FTCDNL1: variants seen among roughly 807,000 people sequenced by gnomAD.
FTCDNL1 encodes the protein formiminotransferase cyclodeaminase N-terminal like, also known as formiminotransferase N-terminal subdomain-containing protein.
A neutral mutation model predicts 5.9 loss-of-function variants in FTCDNL1; 11 were observed. That is an observed-to-expected ratio of 1.87 (90% CI 1.18 to 3.10). FTCDNL1 has a LOEUF of 3.10. FTCDNL1 is among the 30% of genes most tolerant of loss of function. The pLI is 0.00. For synonymous variants in FTCDNL1, 58 were observed against 24.8 expected, an observed-to-expected ratio of 2.34 and a Z score of -3.99; for missense variants, 115 against 65.5, an observed-to-expected ratio of 1.76 and a Z score of -2.61.
chr2:199,754,917 G>A, the FTCDNL1 span, among the ~76,000 whole-genome samples: 2 of 152,116 alleles, frequency 1.3e-5, no homozygotes, highest in South Asian at 4.1e-4. Context: ...CACTTTTAGC[G>A]GTAGAAAATT....
At chr2:199,828,296 C>T (rs1044516849) in intron 3 of FTCDNL1, among the ~76,000 whole-genome samples, 3 of 151,986 alleles carry the variant, frequency 2.0e-5, no homozygotes, top group African/African-American at 7.2e-5. Context: ...AAAAATCATC[C>T]CCTGTAACTT....
chr2:199,684,145 T>G, the FTCDNL1 span, among the ~76,000 whole-genome samples: 19 of 152,384 alleles, frequency 1.2e-4, no homozygotes, highest in South Asian at 3.9e-3. Flanking sequence ...TGCCAAATTG[T>G]TCCCATGTGA....
chr2:199,739,967 G>A, the FTCDNL1 span, among the ~76,000 whole-genome samples: 8 of 152,148 alleles, frequency 5.3e-5, no homozygotes, highest in Non-Finnish European at 1.0e-4. Context: ...AGCCGGGCCT[G>A]CCAGGCTCAC....
At chr2:199,833,522 T>C (rs939585544) in intron 3 of FTCDNL1, among the ~76,000 whole-genome samples, 3 of 152,222 alleles carry the variant, frequency 2.0e-5, no homozygotes, top group African/African-American at 7.2e-5. Flanking sequence ...AGATGGGTCA[T>C]GGCAAAGCCT....
At chr2:199,827,659 C>T (rs764732580) in intron 3 of FTCDNL1, among the ~76,000 whole-genome samples, 16 of 150,898 alleles carry the variant, frequency 1.1e-4, no homozygotes, top group Non-Finnish European at 1.9e-4. Context: ...AGAAAAATAA[C>T]AGAAAGAAAA....
At position 199,809,801 on chromosome 2, in the gene FTCDNL1, A is replaced by G. The variant is rs1037422076; in HGVS notation, c.*2904T>C. Among the ~76,000 whole-genome samples the G allele has an allele frequency of 6.6e-6, 1 of 152,172 alleles. No individual in the cohort carries two copies. Among genetic ancestry groups the G allele is most frequent in the African/African-American group, 2.4e-5 (1 of 41,436 alleles). On this transcript the variant is annotated 3_prime_UTR_variant, in exon 5 of 5. Coordinates refer to ENST00000420128, the MANE Select transcript of FTCDNL1 (RefSeq NM_001363886.2). ...ATTCTATATCTGGTTTATGAGCAGCAGATCATCTTAAAAGTAGTAAGGCAA... is the reference window on the plus strand; with the variant it reads ...ATTCTATATCTGGTTTATGAGCAGCGGATCATCTTAAAAGTAGTAAGGCAA...
At chr2:199,831,755 T>C (rs1158660016) in intron 3 of FTCDNL1, among the ~76,000 whole-genome samples, 1 of 152,194 alleles carries the variant, frequency 6.6e-6, no homozygotes, top group Non-Finnish European at 1.5e-5. Flanking sequence ...ACCTTAACTG[T>C]AGTACTCGAA....
chr2:199,823,424 G>A (rs867860179), intron 3 of FTCDNL1, among the ~76,000 whole-genome samples: 1 of 152,138 alleles, frequency 6.6e-6, no homozygotes. Context: ...ATCCATCAGA[G>A]GAATCACTAT....
At chr2:199,813,912 CAAAAAAAAAAAAAA>C (rs397987315) in intron 4 of FTCDNL1, among the ~76,000 whole-genome samples, 74,206 of 106,858 alleles carry the variant, frequency 0.69, 22,769 homozygotes, top group South Asian at 0.78. Flanking sequence ...GACTCTGTCT[CAAAAAAAAAAAAAA>C]AAAAAAAAAA....
At chr2:199,796,127 C>A (rs541308358) in intron 3 of FTCDNL1, among the ~76,000 whole-genome samples, 2 of 152,138 alleles carry the variant, frequency 1.3e-5, no homozygotes, top group African/African-American at 4.8e-5. Flanking sequence ...TACAATAGAA[C>A]ATGCAGAAGT....
At chr2:199,680,111 C>T in the FTCDNL1 span, among the ~76,000 whole-genome samples, 660 of 152,152 alleles carry the variant, frequency 4.3e-3, 7 homozygotes, top group African/African-American at 0.015. Flanking sequence ...GACCAGATGA[C>T]ATTTAACAAT....
chr2:199,700,242 G>A, the FTCDNL1 span, among the ~76,000 whole-genome samples: 5 of 151,854 alleles, frequency 3.3e-5, no homozygotes, highest in African/African-American at 9.7e-5. Flanking sequence ...CAGTAGCATC[G>A]CTATATACCA....
At chr2:199,663,995 G>A in the FTCDNL1 span, among the ~76,000 whole-genome samples, 2 of 151,658 alleles carry the variant, frequency 1.3e-5, no homozygotes, top group Non-Finnish European at 2.9e-5. Flanking sequence ...AGGGAGAGAC[G>A]GATACACTGA....
the FTCDNL1 span, among the ~76,000 whole-genome samples, chr2:199,726,025 TC>T: frequency 1.3e-5 from 2 of 152,172 alleles, no homozygotes; most frequent in African/African-American, 4.8e-5. Context: ...GGTACCCCAA[TC>T]ATTCATAGGT....
At chr2:199,715,285 C>T in the FTCDNL1 span, among the ~76,000 whole-genome samples, 2 of 151,964 alleles carry the variant, frequency 1.3e-5, no homozygotes, top group Non-Finnish European at 2.9e-5. Flanking sequence ...TTGGCTGTGT[C>T]CCCACCCAAA....
intron 3 of FTCDNL1, among the ~76,000 whole-genome samples, chr2:199,842,426 C>T (rs898931915): frequency 6.6e-6 from 1 of 152,208 alleles, no homozygotes; most frequent in Non-Finnish European, 1.5e-5. Flanking sequence ...AGGCTGCCCT[C>T]ACCTCTGGGC....
chr2:199,725,689 C>A, the FTCDNL1 span, among the ~76,000 whole-genome samples: 1 of 152,108 alleles, frequency 6.6e-6, no homozygotes, highest in East Asian at 1.9e-4. Context: ...AAATTCTTTT[C>A]TTTAAGAATG....
chr2:199,747,872 T>C, the FTCDNL1 span, among the ~76,000 whole-genome samples: 11 of 152,168 alleles, frequency 7.2e-5, no homozygotes. Context: ...CTCAGTCTCT[T>C]CTCTTCCCCT....
At chr2:199,688,399 A>C in the FTCDNL1 span, among the ~76,000 whole-genome samples, 1 of 152,146 alleles carries the variant, frequency 6.6e-6, no homozygotes, top group Non-Finnish European at 1.5e-5. Flanking sequence ...CCCAGGAGCC[A>C]AGATTTGATT....
Sources: gnomAD v4.1 joint callset for allele counts (sites outside exome capture counted in the v4.1 genomes callset) on GRCh38, gnomAD v4.1.1 for gene constraint, MANE v1.5 for transcripts, NCBI Gene and HGNC (gene_info 2026-07-23, HGNC 2026-07-21) for gene names.